EFL1: variants seen among roughly 807,000 people sequenced by gnomAD.
The protein encoded by EFL1 is elongation factor-like GTPase 1.
EFL1 carries 76 observed loss-of-function variants against 126.7 expected under a neutral mutation model. The observed-to-expected ratio is 0.60, with a 90% CI of 0.50 to 0.73. EFL1 has a LOEUF of 0.73. Ranked by LOEUF, EFL1 falls within the 30% of genes least tolerant of loss-of-function variation. The probability of loss-of-function intolerance (pLI) is 0.00; values close to 1 mark genes in which losing one functional copy is unlikely to be tolerated. For missense variants in EFL1, 1,128 were observed against 1,343.2 expected (o/e 0.84, Z 2.50); for synonymous variants, 410 against 448.4 (o/e 0.91, Z 1.08).
intron 12 of EFL1, among the ~76,000 whole-genome samples, chr15:82,221,893 T>A (rs1233642717): frequency 1.3e-5 from 2 of 152,200 alleles, no homozygotes; most frequent in East Asian, 3.8e-4. Flanking sequence ...TACTTCCCTC[T>A]CCTTTCCTTT....
At chr15:82,258,530 G>A (rs1014923273) in intron 3 of EFL1, among the ~76,000 whole-genome samples, 7 of 152,164 alleles carry the variant, frequency 4.6e-5, no homozygotes, top group African/African-American at 1.7e-4. Flanking sequence ...ACTCTAGCCT[G>A]GGCAACAGAG....
At chr15:82,230,797 T>C in intron 8 of EFL1, 51 bp downstream of exon 8, 1 of 1,551,032 alleles carries the variant, frequency 6.4e-7, no homozygotes, top group Non-Finnish European at 8.7e-7. Context: ...GTATAGGTTT[T>C]CATAGGGCAA....
At chr15:82,214,525 C>T (rs959414690) in intron 15 of EFL1, among the ~76,000 whole-genome samples, 192 bp downstream of exon 15, 5 of 152,040 alleles carry the variant, frequency 3.3e-5, no homozygotes, top group Non-Finnish European at 5.9e-5. Context: ...TAAAACAGAG[C>T]GACTATAATT....
At position 82,236,488 on chromosome 15, in the gene EFL1, G is replaced by A. The variant is rs376403232; in HGVS notation, c.731+1819C>T. Reference sequence around the variant, plus strand: ...GACAGACACATAGATTAAAGGAACAGAACAAAACACTCAGAAACAGACCCA... The same window carrying A: ...GACAGACACATAGATTAAAGGAACAAAACAAAACACTCAGAAACAGACCCA... On this transcript the variant is annotated intron_variant, in intron 7 of 19. Transcript: ENST00000268206. Among the ~76,000 whole-genome samples the A allele has an allele frequency of 3.1e-4, 47 of 152,296 alleles. No homozygotes were observed. In the East Asian group the frequency reaches 5.0e-3, roughly 16 times the overall value.
chr15:82,241,627 T>C (rs982511570), intron 4 of EFL1, among the ~76,000 whole-genome samples: 6 of 152,256 alleles, frequency 3.9e-5, no homozygotes, highest in Non-Finnish European at 7.3e-5. Context: ...ATTATTCTAA[T>C]AGTTACCACT....
intron 4 of EFL1, among the ~76,000 whole-genome samples, chr15:82,246,406 A>G (rs1279982063): frequency 1.3e-5 from 2 of 152,140 alleles, no homozygotes; most frequent in Non-Finnish European, 2.9e-5. Flanking sequence ...AGAAGGTCAT[A>G]GATCAAGGAC....
chr15:82,231,606 T>C (rs2074822968), intron 7 of EFL1, among the ~76,000 whole-genome samples: 1 of 152,012 alleles, frequency 6.6e-6, no homozygotes, highest in South Asian at 2.1e-4. Context: ...ACAATCTAGT[T>C]TAAGGTTTGA....
At chr15:82,135,528 G>T (rs963200971) in intron 19 of EFL1, among the ~76,000 whole-genome samples, 17 of 152,244 alleles carry the variant, frequency 1.1e-4, no homozygotes, top group Non-Finnish European at 2.5e-4. Context: ...AAATATCTTA[G>T]ACTTTGCAGG....
rs1306239399 is a variant in EFL1, at chr15:82,241,304, A to G, written c.344T>C (p.Ile115Thr). The G allele has an allele frequency of 6.2e-6, 10 of 1,613,838 alleles. No individual in the cohort carries two copies. Among genetic ancestry groups the G allele is most frequent in the Non-Finnish European group, 8.5e-6 (10 of 1,179,864 alleles). Residue 115 changes from isoleucine (I) to threonine (T), a missense_variant, in exon 5 of 20, where the codon ATT becomes ACT. Ile to Thr is a moderately conservative substitution (Grantham distance 89). This residue lies in a region of EFL1 where 118 missense variants were observed against 188.1 expected (regional missense o/e 0.63). Coordinates refer to ENST00000268206, the MANE Select transcript of EFL1 (RefSeq NM_024580.6). ...GACTCCTTCCACAGCATCTACCACA[A>G]TGATGCATCCATCACAAATGCGAAC... Reference protein sequence around the residue: ...TAVRICDGCIIVVDAVEGVCP... With the variant: ...TAVRICDGCITVVDAVEGVCP...
intron 15 of EFL1, among the ~76,000 whole-genome samples, chr15:82,172,099 T>A (rs757901341): frequency 1.3e-5 from 2 of 150,878 alleles, no homozygotes; most frequent in Non-Finnish European, 3.0e-5. Context: ...AAAAAGAATC[T>A]CATTGATAAT....
chr15:82,181,622 A>ACG (rs1555427106), intron 15 of EFL1, among the ~76,000 whole-genome samples: 3 of 149,374 alleles, frequency 2.0e-5, no homozygotes, highest in African/African-American at 7.5e-5. Flanking sequence ...ATGTGTGTGC[A>ACG]TGTGTGTGTG....
At chr15:82,219,285 C>T (rs2074683018) in intron 14 of EFL1, among the ~76,000 whole-genome samples, 1 of 152,146 alleles carries the variant, frequency 6.6e-6, no homozygotes. Flanking sequence ...CACCTTTGGC[C>T]TAAGCCAGCT....
intron 15 of EFL1, among the ~76,000 whole-genome samples, chr15:82,166,901 CAGAA>C (rs1408608075): frequency 6.6e-6 from 1 of 152,146 alleles, no homozygotes; most frequent in African/African-American, 2.4e-5. Context: ...AATTTCTTCA[CAGAA>C]AGCACATTTG....
chr15:82,140,819 G>A (rs1004415368), intron 18 of EFL1, among the ~76,000 whole-genome samples: 2 of 152,138 alleles, frequency 1.3e-5, no homozygotes, highest in African/African-American at 4.8e-5. Flanking sequence ...CACAACAGTG[G>A]GGTAAAAGGA....
intron 19 of EFL1, among the ~76,000 whole-genome samples, chr15:82,134,357 T>C (rs2073697133): frequency 6.7e-6 from 1 of 150,044 alleles, no homozygotes; most frequent in Non-Finnish European, 1.5e-5. Flanking sequence ...GATATCAAAC[T>C]GAAGAAAAAG....
At chr15:82,211,351 C>A (rs527983021) in intron 15 of EFL1, among the ~76,000 whole-genome samples, 1 of 151,494 alleles carries the variant, frequency 6.6e-6, no homozygotes, top group African/African-American at 2.4e-5. Flanking sequence ...CTGGTGAAAC[C>A]CCATCTCTAC....
chr15:82,148,079 C>T (rs1350611309), intron 18 of EFL1, among the ~76,000 whole-genome samples: 1 of 151,880 alleles, frequency 6.6e-6, no homozygotes, highest in African/African-American at 2.4e-5. Context: ...GTTTGAGCAT[C>T]CCAAATTAAA....
At chr15:82,144,997 AG>A (rs1369603717) in intron 18 of EFL1, among the ~76,000 whole-genome samples, 6 of 151,460 alleles carry the variant, frequency 4.0e-5, no homozygotes, top group Non-Finnish European at 8.8e-5. Context: ...AACTCAAAAA[AG>A]AAAAAAAAAA....
intron 13 of EFL1, 29 bp downstream of exon 13, chr15:82,220,049 G>C: frequency 6.4e-7 from 1 of 1,570,756 alleles, no homozygotes; most frequent in Non-Finnish European, 8.6e-7. Flanking sequence ...CAAATACTTT[G>C]CAACAGAGCC....
Sources: gnomAD v4.1 joint callset for allele counts (sites outside exome capture counted in the v4.1 genomes callset) on GRCh38, gnomAD v4.1.1 for gene constraint, gnomAD v4.1.1 regional missense constraint, MANE v1.5 for transcripts, NCBI Gene and HGNC (gene_info 2026-07-23, HGNC 2026-07-21) for gene names.